The following IMMP2L variants were observed in gnomAD, a reference collection of about 807,000 sequenced individuals.
IMMP2L encodes the protein mitochondrial inner membrane protease subunit 2.
Under a neutral mutation model 19.3 loss-of-function variants are expected in IMMP2L, and 18 were observed. The ratio of observed to expected loss-of-function variants is 0.93; its 90% CI spans 0.64 to 1.38. The LOEUF (loss-of-function observed/expected upper bound fraction) is 1.38. IMMP2L is among the 40% of genes most tolerant of loss of function. The pLI is 0.00. For missense variants in IMMP2L, 233 were observed against 218.2 expected, an observed-to-expected ratio of 1.07 and a Z score of -0.43; for synonymous variants, 76 against 73.0, an observed-to-expected ratio of 1.04 and a Z score of -0.21.
intron 5 of IMMP2L, among the ~76,000 whole-genome samples, chr7:110,885,349 C>G (rs967643630): frequency 6.6e-6 from 1 of 151,658 alleles, no homozygotes; most frequent in African/African-American, 2.4e-5. Flanking sequence ...TTGGGATGCT[C>G]AACTTATATA....
intron 3 of IMMP2L, among the ~76,000 whole-genome samples, chr7:110,987,875 C>G (rs1459352811): frequency 1.3e-5 from 2 of 152,106 alleles, no homozygotes; most frequent in African/African-American, 4.8e-5. Flanking sequence ...AGCTTAAGGT[C>G]TTGAATCTCC....
chr7:111,153,585 T>C (rs1339730992), intron 3 of IMMP2L, among the ~76,000 whole-genome samples: 1 of 152,070 alleles, frequency 6.6e-6, no homozygotes, highest in Non-Finnish European at 1.5e-5. Flanking sequence ...TATGAGGCCA[T>C]GCTATTTTTC....
At chr7:110,738,161 C>A (rs566180440) in intron 5 of IMMP2L, among the ~76,000 whole-genome samples, 1 of 152,178 alleles carries the variant, frequency 6.6e-6, no homozygotes, top group East Asian at 1.9e-4. Context: ...CTTTAACATG[C>A]CCAAAAGATC....
intron 3 of IMMP2L, among the ~76,000 whole-genome samples, chr7:111,019,602 T>A (rs1022635114): frequency 2.0e-5 from 3 of 152,156 alleles, no homozygotes; most frequent in African/African-American, 7.2e-5. Flanking sequence ...AGGTCTTCTG[T>A]CTTCCTTTGA....
Position 111,048,254 on chromosome 7 carries a change from A to AAAAAAAAAAAAG in IMMP2L, c.240-84701_240-84690dup, listed in dbSNP as rs1563192237. On this transcript the variant is annotated intron_variant, in intron 3 of 5. Coordinates refer to ENST00000405709, the MANE Select transcript of IMMP2L (RefSeq NM_032549.4). ...ACTCTGTCTCAAAAAAAAAAAAAAAAAAAAAAAAAAAGAAAAAAAGAAAAA... is the reference window on the plus strand; with the variant it reads ...ACTCTGTCTCAAAAAAAAAAAAAAAAAAAAAAAAAAAGAAAAAAAAAAAGAAAAAAAGAAAAA... Among the ~76,000 whole-genome samples, 108 of 120,654 alleles carry AAAAAAAAAAAAG rather than the reference A, an allele frequency of 9.0e-4. 1 individual carries two copies. The highest frequency in any genetic ancestry group is 1.3e-3 in the Non-Finnish European group (77 of 59,190). 79.2% of individuals were successfully genotyped at this position (120,654 alleles called of 152,430 possible).
At chr7:110,983,955 A>T (rs2129558493) in intron 3 of IMMP2L, among the ~76,000 whole-genome samples, 1 of 152,166 alleles carries the variant, frequency 6.6e-6, no homozygotes, top group Admixed American at 6.6e-5. Context: ...CCACATTTAT[A>T]GTCTATAGCC....
chr7:110,915,146 C>T (rs774429702), intron 4 of IMMP2L, among the ~76,000 whole-genome samples: 5 of 152,286 alleles, frequency 3.3e-5, no homozygotes, highest in Admixed American at 6.5e-5. Context: ...CCCCCGTGTT[C>T]GCTGCAGCAT....
chr7:111,477,974 G>T (rs762459604), intron 3 of IMMP2L, among the ~76,000 whole-genome samples: 1 of 151,882 alleles, frequency 6.6e-6, no homozygotes, highest in Admixed American at 6.6e-5. Flanking sequence ...TGCTTTCATT[G>T]TATTTATTCC....
At chr7:111,108,879 T>C (rs1455204011) in intron 3 of IMMP2L, among the ~76,000 whole-genome samples, 1 of 152,166 alleles carries the variant, frequency 6.6e-6, no homozygotes, top group Non-Finnish European at 1.5e-5. Flanking sequence ...TGATATTCAT[T>C]CATTCATTCA....
At chr7:111,053,526 G>GA (rs1210357200) in intron 3 of IMMP2L, among the ~76,000 whole-genome samples, 1 of 152,200 alleles carries the variant, frequency 6.6e-6, no homozygotes, top group African/African-American at 2.4e-5. Context: ...GGTGTTTATA[G>GA]AAAGACTGCC....
chr7:110,946,895 T>C (rs1817309669), intron 4 of IMMP2L, among the ~76,000 whole-genome samples: 1 of 151,900 alleles, frequency 6.6e-6, no homozygotes, highest in Non-Finnish European at 1.5e-5. Flanking sequence ...TAATTTTTTG[T>C]ATTTTTAGTA....
intron 3 of IMMP2L, among the ~76,000 whole-genome samples, chr7:111,199,378 C>G (rs1414749555): frequency 6.6e-6 from 1 of 152,046 alleles, no homozygotes; most frequent in Admixed American, 6.6e-5. Flanking sequence ...AATACAACCA[C>G]AGTTAATTAA....
At chr7:111,227,584 G>C (rs1227366885) in intron 3 of IMMP2L, among the ~76,000 whole-genome samples, 2 of 152,024 alleles carry the variant, frequency 1.3e-5, no homozygotes, top group Non-Finnish European at 2.9e-5. Flanking sequence ...AGAAATAAAT[G>C]TGTCTACAAA....
intron 3 of IMMP2L, among the ~76,000 whole-genome samples, chr7:111,115,994 A>G (rs1312590831): frequency 2.0e-5 from 3 of 152,170 alleles, no homozygotes; most frequent in Non-Finnish European, 2.9e-5. Context: ...TTGTTTAAAG[A>G]AAACTATCCC....
chr7:110,893,361 T>G (rs1159293747), intron 4 of IMMP2L, among the ~76,000 whole-genome samples: 1 of 152,234 alleles, frequency 6.6e-6, no homozygotes, highest in Admixed American at 6.5e-5. Context: ...TAAAACAAGG[T>G]ATGACTGTAA....
intron 5 of IMMP2L, among the ~76,000 whole-genome samples, chr7:110,856,928 C>CA (rs1433509543): frequency 6.6e-6 from 1 of 151,970 alleles, no homozygotes; most frequent in Non-Finnish European, 1.5e-5. Context: ...CTTGATGAAA[C>CA]AAAAACCACT....
intron 5 of IMMP2L, among the ~76,000 whole-genome samples, chr7:110,815,242 G>C (rs1449244569): frequency 3.3e-5 from 5 of 152,014 alleles, no homozygotes; most frequent in African/African-American, 1.2e-4. Flanking sequence ...TTTTGTCTTT[G>C]GCTCTGTTTA....
intron 5 of IMMP2L, among the ~76,000 whole-genome samples, chr7:110,789,414 T>C (rs555061560): frequency 2.0e-5 from 3 of 151,790 alleles, no homozygotes; most frequent in African/African-American, 4.9e-5. Context: ...TTAAATCTGT[T>C]AGCAAACCCT....
rs188240294 is a variant in IMMP2L, at chr7:111,162,029, G to A, written c.240-198464C>T. 7.7e-4 allele frequency among the ~76,000 whole-genome samples: 117 copies of A among 152,160 alleles called. 1 individual carries two copies. The highest frequency in any genetic ancestry group is 2.6e-3 in the African/African-American group (109 of 41,556). On this transcript the variant is annotated intron_variant, in intron 3 of 5. Transcript: ENST00000405709. ...CACTTGTGTTTAATAACTGTTAGAT[G>A]GCTAATGTTAGTCCAAATGACGGTC...
Sources: gnomAD v4.1 joint callset for allele counts (sites outside exome capture counted in the v4.1 genomes callset) on GRCh38, gnomAD v4.1.1 for gene constraint, MANE v1.5 for transcripts, NCBI Gene and HGNC (gene_info 2026-07-23, HGNC 2026-07-21) for gene names.